The following TNR variants were observed in gnomAD, a reference collection of about 807,000 sequenced individuals.
TNR encodes the protein tenascin-R.
A neutral mutation model predicts 150.4 loss-of-function variants in TNR; 45 were observed. The observed-to-expected ratio is 0.30, with a 90% CI of 0.24 to 0.38. The LOEUF is 0.38. Ranked by LOEUF, TNR falls within the 10% of genes least tolerant of loss-of-function variation. TNR has a pLI of 1.00. For missense variants in TNR, 1,544 were observed against 1,759.1 expected (o/e 0.88, Z 2.19); for synonymous variants, 687 against 678.4 (o/e 1.01, Z -0.20).
intron 5 of TNR, among the ~76,000 whole-genome samples, chr1:175,395,189 C>G (rs1185173653): frequency 6.6e-6 from 1 of 152,120 alleles, no homozygotes; most frequent in African/African-American, 2.4e-5. Flanking sequence ...GACAAGATGA[C>G]TTCTTAAATT....
At chr1:175,621,601 G>T (rs1391549762) in intron 1 of TNR, among the ~76,000 whole-genome samples, 2 of 152,148 alleles carry the variant, frequency 1.3e-5, no homozygotes, top group African/African-American at 4.8e-5. Context: ...GTTGTATAAA[G>T]CATTGACACA....
intron 1 of TNR, among the ~76,000 whole-genome samples, chr1:175,630,815 C>CA (rs5778864): frequency 0.29 from 42,957 of 150,088 alleles, 7,181 homozygotes; most frequent in East Asian, 0.5. Context: ...GCTCTGCTTG[C>CA]AAAAAAAAAG....
chr1:175,671,910 C>CGTGTGTGTGTGT (rs1558065420), intron 1 of TNR, among the ~76,000 whole-genome samples: 3 of 100,892 alleles, frequency 3.0e-5, no homozygotes, highest in African/African-American at 8.5e-5. Flanking sequence ...ATGAGCTGTA[C>CGTGTGTGTGTGT]CTGTGTGTGT....
intron 2 of TNR, among the ~76,000 whole-genome samples, chr1:175,474,643 G>A (rs532891005): frequency 2.4e-4 from 37 of 152,350 alleles, no homozygotes; most frequent in African/African-American, 8.2e-4. Context: ...GAGGGCATCC[G>A]TAGCCATGTG....
intron 2 of TNR, among the ~76,000 whole-genome samples, chr1:175,521,331 G>A (rs575630110): frequency 2.6e-5 from 4 of 152,232 alleles, no homozygotes; most frequent in South Asian, 4.1e-4. Flanking sequence ...TTAGTCATAC[G>A]AGAATTCAGT....
At chr1:175,529,669 TG>T (rs143493146) in intron 1 of TNR, among the ~76,000 whole-genome samples, 1 of 152,364 alleles carries the variant, frequency 6.6e-6, no homozygotes, top group Non-Finnish European at 1.5e-5. Context: ...AGATGGTAGC[TG>T]CCCACAGATT....
At chr1:175,692,764 T>G (rs1666408295) in intron 1 of TNR, among the ~76,000 whole-genome samples, 1 of 152,080 alleles carries the variant, frequency 6.6e-6, no homozygotes, top group African/African-American at 2.4e-5. Flanking sequence ...GGCCCTAGTA[T>G]AGGCCCTACC....
At chr1:175,735,852 T>G (rs1667756088) in intron 1 of TNR, among the ~76,000 whole-genome samples, 1 of 152,174 alleles carries the variant, frequency 6.6e-6, no homozygotes. Flanking sequence ...TCCTTAAGGC[T>G]CAAATTAATT....
intron 2 of TNR, among the ~76,000 whole-genome samples, chr1:175,455,692 A>C (rs1656544135): frequency 6.6e-6 from 1 of 152,214 alleles, no homozygotes; most frequent in Admixed American, 6.5e-5. Context: ...ACCAGCAGAC[A>C]AAATGGGAGA....
intron 1 of TNR, among the ~76,000 whole-genome samples, chr1:175,661,559 A>G (rs1361259950): frequency 1.3e-5 from 2 of 152,080 alleles, no homozygotes; most frequent in African/African-American, 2.4e-5. Flanking sequence ...GCTCCACCCA[A>G]GAAGAGGCCT....
intron 1 of TNR, among the ~76,000 whole-genome samples, chr1:175,647,550 T>C (rs868750236): frequency 1.3e-5 from 2 of 151,598 alleles, no homozygotes; most frequent in Middle Eastern, 3.4e-3. Flanking sequence ...GATGAAGAAA[T>C]CACAGGCAGA....
intron 2 of TNR, among the ~76,000 whole-genome samples, chr1:175,421,333 C>T (rs1391430474): frequency 6.6e-6 from 1 of 152,208 alleles, no homozygotes; most frequent in Admixed American, 6.5e-5. Flanking sequence ...ATAGGAAAAC[C>T]TATTGCTTTG....
At chr1:175,666,541 C>T (rs1457542372) in intron 1 of TNR, among the ~76,000 whole-genome samples, 3 of 152,184 alleles carry the variant, frequency 2.0e-5, no homozygotes, top group Admixed American at 6.5e-5. Context: ...GAGAGCTGCC[C>T]GGTGCTCCCA....
intron 9 of TNR, among the ~76,000 whole-genome samples, chr1:175,368,021 G>A (rs897625641): frequency 6.6e-6 from 1 of 152,132 alleles, no homozygotes; most frequent in South Asian, 2.1e-4. Flanking sequence ...TCCTTTGGGA[G>A]GTTTACTACA....
chr1:175,639,153 G>A (rs1252813963), intron 1 of TNR, among the ~76,000 whole-genome samples: 3 of 152,086 alleles, frequency 2.0e-5, no homozygotes, highest in African/African-American at 7.2e-5. Context: ...TCTACATAGT[G>A]GCCCAAATGA....
At chr1:175,539,901 G>T (rs766810144) in intron 1 of TNR, among the ~76,000 whole-genome samples, 1 of 152,022 alleles carries the variant, frequency 6.6e-6, no homozygotes, top group Non-Finnish European at 1.5e-5. Context: ...ATTGGTCTGG[G>T]ACACCCAGAG....
At chr1:175,519,855 C>T (rs1460752133) in intron 2 of TNR, among the ~76,000 whole-genome samples, 1 of 152,206 alleles carries the variant, frequency 6.6e-6, no homozygotes, top group Non-Finnish European at 1.5e-5. Flanking sequence ...CAAAAGCCTG[C>T]CTGATTTCCT....
chr1:175,497,531 G>C (rs1571523585), intron 2 of TNR, among the ~76,000 whole-genome samples: 1 of 152,188 alleles, frequency 6.6e-6, no homozygotes, highest in African/African-American at 2.4e-5. Flanking sequence ...CAATCAAATA[G>C]TCATTTGTGT....
intron 2 of TNR, among the ~76,000 whole-genome samples, chr1:175,501,756 A>G (rs1389783583): frequency 6.6e-6 from 1 of 151,694 alleles, no homozygotes; most frequent in Admixed American, 6.6e-5. Context: ...TTTGCCACCT[A>G]TTTACGTCTA....
Sources: allele counts gnomAD v4.1 joint callset (sites outside exome capture counted in the v4.1 genomes callset), GRCh38; gene constraint gnomAD v4.1.1; transcripts MANE v1.5; gene names NCBI Gene and HGNC (gene_info 2026-07-23, HGNC 2026-07-21).